The following NFIX variants were observed in gnomAD, a reference collection of about 807,000 sequenced individuals.
NFIX encodes nuclear factor 1 X-type.
In NFIX, 2 loss-of-function variants were observed where a neutral mutation model predicts 53.3. The observed-to-expected ratio is 0.04, with a 90% CI of 0.02 to 0.12. NFIX has a LOEUF of 0.12. Among genes scored for constraint, NFIX ranks in the 10% least tolerant of loss-of-function variants. The pLI, the probability that NFIX is intolerant of heterozygous loss-of-function variation, is 1.00. For missense variants in NFIX, 310 were observed against 674.5 expected, an observed-to-expected ratio of 0.46 and a Z score of 5.99; for synonymous variants, 244 against 289.0, an observed-to-expected ratio of 0.84 and a Z score of 1.58.
intron 1 of NFIX, among the ~76,000 whole-genome samples, chr19:13,007,265 G>A (rs1393107705): frequency 6.6e-6 from 1 of 152,086 alleles, no homozygotes; most frequent in Non-Finnish European, 1.5e-5. Context: ...GCTGGGACCT[G>A]GAAATGGGAA....
rs1284697509 is a variant in NFIX, at chr19:13,036,260, C to T, written c.559+10708C>T. 2.0e-5 allele frequency among the ~76,000 whole-genome samples: 3 copies of T among 152,172 alleles called. No homozygotes were observed. Among genetic ancestry groups the T allele is most frequent in the African/African-American group, 7.2e-5 (3 of 41,430 alleles). ...CTGGCCTGGCGTGTCCGGGAGGCTT[C>T]CTTTCTTAAAATGGGGGGATGAAGC... is the stretch of plus-strand genomic sequence containing the variant. On this transcript the variant is annotated intron_variant, in intron 2 of 10. Coordinates refer to ENST00000592199, the MANE Select transcript of NFIX (RefSeq NM_001365902.3). The surrounding 1 kb of genome is among the most constrained non-coding windows in gnomAD (Gnocchi z 4.7).
chr19:13,019,744 T>G (rs2012866557), intron 1 of NFIX, among the ~76,000 whole-genome samples: 1 of 151,114 alleles, frequency 6.6e-6, no homozygotes, highest in Non-Finnish European at 1.5e-5. Flanking sequence ...TTTTTTTTTT[T>G]TTTACCAAAT....
At chr19:13,087,774 C>A (rs1434305039) in intron 8 of NFIX, among the ~76,000 whole-genome samples, 8 of 26,392 alleles carry the variant, frequency 3.0e-4, no homozygotes, top group Admixed American at 1.2e-3. Context: ...AAAAGAGGAC[C>A]AAAAAAAAAA....
At chr19:13,059,488 T>C (rs1417087105) in intron 2 of NFIX, among the ~76,000 whole-genome samples, 1 of 152,206 alleles carries the variant, frequency 6.6e-6, no homozygotes, top group African/African-American at 2.4e-5. Context: ...CAGGGGACTG[T>C]CAGAATAGAA....
At chr19:13,064,721 C>G (rs1406833779) in intron 2 of NFIX, among the ~76,000 whole-genome samples, 2 of 152,222 alleles carry the variant, frequency 1.3e-5, no homozygotes, top group Non-Finnish European at 2.9e-5. Flanking sequence ...AGAGCGTGAG[C>G]TCCTGGGGAG....
rs896977841 is a variant in NFIX, at chr19:13,060,510, T to C, written c.560-12537T>C. ...TGTGTGCAGAATCTACCCCGAAACCTATAGCTTAGGAGAAGCCTGGGTAAG... is the reference window on the plus strand; with the variant it reads ...TGTGTGCAGAATCTACCCCGAAACCCATAGCTTAGGAGAAGCCTGGGTAAG... On this transcript the variant is annotated intron_variant, in intron 2 of 10. Coordinates refer to ENST00000592199, the MANE Select transcript of NFIX (RefSeq NM_001365902.3). The surrounding 1 kb of genome is among the most constrained non-coding windows in gnomAD (Gnocchi z 4.3). 5.3e-5 allele frequency among the ~76,000 whole-genome samples: 8 copies of C among 152,214 alleles called. No homozygotes were observed. The highest frequency in any genetic ancestry group is 2.9e-5 in the Non-Finnish European group (2 of 68,030).
At chr19:13,077,523 G>A (rs539238664) in intron 6 of NFIX, among the ~76,000 whole-genome samples, 17 of 152,256 alleles carry the variant, frequency 1.1e-4, no homozygotes, top group Non-Finnish European at 1.6e-4. Flanking sequence ...GCTATCAGGT[G>A]GCACACAGCT....
chr19:13,073,379 C>G lies in NFIX; in HGVS notation c.623-43C>G, dbSNP rs761808842. 1 of 1,532,332 alleles carries G rather than the reference C, an allele frequency of 6.5e-7. No individual in the cohort carries two copies. The highest frequency in any genetic ancestry group is 2.2e-5 in the East Asian group (1 of 44,498). 94.9% of individuals were successfully genotyped at this position (1,532,332 alleles called of 1,614,324 possible). A position where few individuals can be genotyped will look rare whatever the true frequency, so the allele number is the denominator to read the frequency against. On this transcript the variant is annotated intron_variant, in intron 3 of 10. Transcript: ENST00000592199. This position sits in a 1 kb window ranked among gnomAD's most constrained non-coding sequence, Gnocchi z 4.5. ...CCTTTGGAAATAGCCAGGCAGCCCC[C>G]TTCTGGCCTTGTCTTGACTCACTCA...
intron 7 of NFIX, among the ~76,000 whole-genome samples, chr19:13,079,121 C>T (rs1351952314): frequency 1.3e-5 from 2 of 152,268 alleles, no homozygotes; most frequent in African/African-American, 4.8e-5. Flanking sequence ...TCTCTCCCAG[C>T]TCCTGGCTGA....
intron 8 of NFIX, among the ~76,000 whole-genome samples, chr19:13,085,908 G>A (rs1228808931): frequency 6.6e-6 from 1 of 152,224 alleles, no homozygotes; most frequent in African/African-American, 2.4e-5. Flanking sequence ...TGCTTCTGCC[G>A]ACTTGTTGGG....
At chr19:13,079,031 A>T (rs192388984) in intron 7 of NFIX, among the ~76,000 whole-genome samples, 2 of 151,920 alleles carry the variant, frequency 1.3e-5, no homozygotes, top group African/African-American at 4.8e-5. Flanking sequence ...GTCCTCCCCA[A>T]CTCTGGCCCA....
Position 13,052,683 on chromosome 19 carries a change from C to T in NFIX, c.560-20364C>T, listed in dbSNP as rs920581439. Among the ~76,000 whole-genome samples the T allele has an allele frequency of 1.3e-4, 20 of 152,184 alleles. No individual in the cohort carries two copies. The highest frequency in any genetic ancestry group is 4.1e-4 in the African/African-American group (17 of 41,434). On this transcript the variant is annotated intron_variant, in intron 2 of 10. Coordinates refer to ENST00000592199, the MANE Select transcript of NFIX (RefSeq NM_001365902.3). This position sits in a 1 kb window ranked among gnomAD's most constrained non-coding sequence, Gnocchi z 5.2. ...GTTCATAGCCTGGCCTTAACCCTGC[C>T]GATTCCATATACTGTGCTCATCTCG...
intron 1 of NFIX, among the ~76,000 whole-genome samples, chr19:13,007,994 TA>T (rs564005222): frequency 9.7e-4 from 147 of 152,196 alleles, no homozygotes; most frequent in Non-Finnish European, 1.6e-3. Flanking sequence ...TCCTGTGGCC[TA>T]AACACCAGGT....
intron 8 of NFIX, among the ~76,000 whole-genome samples, chr19:13,083,870 C>A (rs73507372): frequency 0.013 from 1,968 of 152,370 alleles, 34 homozygotes; most frequent in African/African-American, 0.045. Context: ...CCGGCTCCGC[C>A]ACTGATCCAG....
In NFIX at chr19:13,067,263, C is replaced by A. The variant is rs1244599849; in HGVS notation, c.560-5784C>A. 6.6e-6 allele frequency among the ~76,000 whole-genome samples: 1 copy of A among 152,200 alleles called. No homozygotes were observed. Among genetic ancestry groups the A allele is most frequent in the Non-Finnish European group, 1.5e-5 (1 of 67,992 alleles). On this transcript the variant is annotated intron_variant, in intron 2 of 10. Coordinates refer to ENST00000592199, the MANE Select transcript of NFIX (RefSeq NM_001365902.3). This position sits in a 1 kb window ranked among gnomAD's most constrained non-coding sequence, Gnocchi z 4.2. ...GCACCCCCAGAACAGAATGTACCCCCACTTGCTTCTGGAATGTCAGGCCTG... is the reference window on the plus strand; with the variant it reads ...GCACCCCCAGAACAGAATGTACCCCAACTTGCTTCTGGAATGTCAGGCCTG...
rs2012044648 is a variant in NFIX, at chr19:13,006,882, A to G, written c.27+11018A>G. Among the ~76,000 whole-genome samples the G allele has an allele frequency of 6.6e-6, 1 of 151,862 alleles. No individual in the cohort carries two copies. On this transcript the variant is annotated intron_variant, in intron 1 of 10. Transcript: ENST00000592199. This position sits in a 1 kb window ranked among gnomAD's most constrained non-coding sequence, Gnocchi z 5.6. ...GGCGCCCTGCCTGCCTGCCACCCCCACCCCATGCCCGGGCAGAGCCGAGCG... is the reference window on the plus strand; with the variant it reads ...GGCGCCCTGCCTGCCTGCCACCCCCGCCCCATGCCCGGGCAGAGCCGAGCG...
rs1020138742 is a variant in NFIX, at chr19:13,088,524, A to AT, written c.1402+395dup. Among the ~76,000 whole-genome samples, 19 of 149,364 alleles carry AT rather than the reference A, an allele frequency of 1.3e-4. No individual in the cohort carries two copies. The highest frequency in any genetic ancestry group is 2.7e-4 in the Admixed American group (4 of 15,068). ...TTTTGTTTTTTGTTTTTGTTTTTTA[A>AT]TTTTTTTGTTGTTTCGTTGTTCCCC... On this transcript the variant is annotated intron_variant, in intron 9 of 10. Coordinates refer to ENST00000592199, the MANE Select transcript of NFIX (RefSeq NM_001365902.3). This position sits in a 1 kb window ranked among gnomAD's most constrained non-coding sequence, Gnocchi z 5.9.
chr19:13,096,471 G>A lies in NFIX; in HGVS notation c.*1822G>A, dbSNP rs1391439130. The A allele has an allele frequency of 1.3e-5, 2 of 152,176 alleles. No individual in the cohort carries two copies. Among genetic ancestry groups the A allele is most frequent in the Non-Finnish European group, 1.5e-5 (1 of 68,034 alleles). 9.4% of individuals were successfully genotyped at this position (152,176 alleles called of 1,614,324 possible). ...AAGCCACAAGGTGGCTGGCTCCAGG[G>A]GCGGCTTTTGTTGGAAGTTGAGTGA... On this transcript the variant is annotated 3_prime_UTR_variant, in exon 11 of 11. Coordinates refer to ENST00000592199, the MANE Select transcript of NFIX (RefSeq NM_001365902.3).
Position 13,060,592 on chromosome 19 carries a change from C to A in NFIX, c.560-12455C>A, listed in dbSNP as rs1414978493. Among the ~76,000 whole-genome samples, 1 of 152,232 alleles carries A rather than the reference C, an allele frequency of 6.6e-6. No individual in the cohort carries two copies. Among genetic ancestry groups the A allele is most frequent in the African/African-American group, 2.4e-5 (1 of 41,464 alleles). ...GACCTGTTGGAGGAGCCCAGTCCAG[C>A]CCTACATGTGTGACCCTTGGTGCCT... On this transcript the variant is annotated intron_variant, in intron 2 of 10. Transcript: ENST00000592199. This position sits in a 1 kb window ranked among gnomAD's most constrained non-coding sequence, Gnocchi z 4.3.
Sources: allele counts gnomAD v4.1 joint callset (sites outside exome capture counted in the v4.1 genomes callset), GRCh38; gene constraint gnomAD v4.1.1; non-coding constraint Gnocchi (gnomAD v3.1); transcripts MANE v1.5; gene names NCBI Gene and HGNC (gene_info 2026-07-23, HGNC 2026-07-21).